Variants in PRKN observed in about 807,000 individuals in gnomAD.
PRKN encodes E3 ubiquitin-protein ligase parkin.
PRKN carries 56 observed loss-of-function variants against 59.5 expected under a neutral mutation model. The observed-to-expected ratio is 0.94, with a 90% CI of 0.76 to 1.18. PRKN has a LOEUF of 1.18. Among genes scored for constraint, PRKN ranks in the 50% most tolerant of loss-of-function variants. The probability of loss-of-function intolerance (pLI) is 0.00; values close to 1 mark genes in which losing one functional copy is unlikely to be tolerated. For synonymous variants in PRKN, 250 were observed against 222.1 expected (o/e 1.13, Z -1.12); for missense variants, 657 against 596.4 (o/e 1.10, Z -1.06).
intron 3 of PRKN, among the ~76,000 whole-genome samples, chr6:162,250,468 A>G (rs1039163043): frequency 1.3e-5 from 2 of 152,168 alleles, no homozygotes; most frequent in Admixed American, 1.3e-4. Context: ...TGATCCTTTG[A>G]TGAGTACACA....
chr6:161,564,909 G>A (rs1037662897), intron 8 of PRKN, among the ~76,000 whole-genome samples: 4 of 152,124 alleles, frequency 2.6e-5, no homozygotes, highest in Admixed American at 1.3e-4. Context: ...TGACCTCGTC[G>A]GTGCTGACCA....
chr6:161,403,217 A>G (rs1787124127), intron 9 of PRKN, among the ~76,000 whole-genome samples: 1 of 152,186 alleles, frequency 6.6e-6, no homozygotes. Flanking sequence ...TCTGTAGGGT[A>G]GAATACTGCC....
chr6:161,557,977 C>T (rs1780302522), intron 8 of PRKN, among the ~76,000 whole-genome samples: 1 of 152,160 alleles, frequency 6.6e-6, no homozygotes, highest in Non-Finnish European at 1.5e-5. Flanking sequence ...GGGACTCCCT[C>T]CCTGGGCTTC....
intron 1 of PRKN, among the ~76,000 whole-genome samples, chr6:162,466,902 C>T (rs1434986643): frequency 6.6e-6 from 1 of 151,884 alleles, no homozygotes; most frequent in Non-Finnish European, 1.5e-5. Context: ...ATATTATATA[C>T]ACTGGTTACC....
intron 1 of PRKN, among the ~76,000 whole-genome samples, chr6:162,721,952 T>C (rs1778955670): frequency 6.6e-6 from 1 of 152,092 alleles, no homozygotes; most frequent in Admixed American, 6.6e-5. Context: ...AAAAGAAACA[T>C]GAAAAATCAC....
intron 1 of PRKN, among the ~76,000 whole-genome samples, chr6:162,725,602 C>G (rs1183090193): frequency 4.6e-5 from 7 of 151,584 alleles, no homozygotes; most frequent in Admixed American, 6.6e-5. Flanking sequence ...TCTACAAAAA[C>G]TATAACAAAA....
At chr6:161,859,069 C>A (rs1236940364) in intron 6 of PRKN, among the ~76,000 whole-genome samples, 1 of 151,106 alleles carries the variant, frequency 6.6e-6, no homozygotes, top group African/African-American at 2.4e-5. Context: ...GGGGTTTCAC[C>A]ATGTTGGCCA....
intron 5 of PRKN, among the ~76,000 whole-genome samples, chr6:162,038,679 T>C (rs1783940408): frequency 1.3e-5 from 2 of 152,158 alleles, no homozygotes; most frequent in South Asian, 4.2e-4. Flanking sequence ...TCAGATAAAA[T>C]CATTTGTAAA....
chr6:161,608,484 T>C (rs1396939982), intron 7 of PRKN, among the ~76,000 whole-genome samples: 1 of 152,024 alleles, frequency 6.6e-6, no homozygotes, highest in African/African-American at 2.4e-5. Context: ...ATTTAGCAGA[T>C]AGTAGTTAAA....
rs141857653 is a variant in PRKN at position 162,724,391 on chromosome 6, C to T, written c.7+3271G>A. Among the ~76,000 whole-genome samples, 3 of 152,254 alleles carry T rather than the reference C, an allele frequency of 2.0e-5. No individual in the cohort carries two copies. The East Asian group carries it at 5.8e-4, about 29-fold the overall frequency. Reference sequence around the variant, plus strand: ...ATGTAAGTACTTTTGAAACAGTCCTCATGCCAATAAGGGAATCTTCGGTTT... The same window carrying T: ...ATGTAAGTACTTTTGAAACAGTCCTTATGCCAATAAGGGAATCTTCGGTTT... On this transcript the variant is annotated intron_variant, in intron 1 of 11. Coordinates refer to ENST00000366898, the MANE Select transcript of PRKN (RefSeq NM_004562.3).
intron 2 of PRKN, among the ~76,000 whole-genome samples, chr6:162,367,606 A>G (rs898912175): frequency 6.6e-6 from 1 of 152,140 alleles, no homozygotes; most frequent in Non-Finnish European, 1.5e-5. Context: ...CAATAAGAAA[A>G]GGAGTATAAA....
intron 5 of PRKN, among the ~76,000 whole-genome samples, chr6:162,015,308 G>T (rs1782893438): frequency 1.3e-5 from 2 of 152,088 alleles, no homozygotes; most frequent in Admixed American, 6.6e-5. Context: ...TATATGATTG[G>T]TTTCTTTTCC....
intron 1 of PRKN, among the ~76,000 whole-genome samples, chr6:162,703,141 T>G (rs1778218305): frequency 6.6e-6 from 1 of 152,326 alleles, no homozygotes; most frequent in South Asian, 2.1e-4. Context: ...AAAAAAAACT[T>G]ACTTTAGTAT....
intron 2 of PRKN, among the ~76,000 whole-genome samples, chr6:162,417,325 C>T (rs1301723255): frequency 6.6e-6 from 1 of 152,136 alleles, no homozygotes; most frequent in Admixed American, 6.5e-5. Flanking sequence ...TGATGCCACG[C>T]GTTGACTGTG....
In PRKN at chr6:161,499,665, G is replaced by A. The variant is rs1359478932; in HGVS notation, c.1083+49189C>T. 6.6e-6 allele frequency among the ~76,000 whole-genome samples: 1 copy of A among 152,142 alleles called. No homozygotes were observed. The highest frequency in any genetic ancestry group is 1.5e-5 in the Non-Finnish European group (1 of 68,030). On this transcript the variant is annotated intron_variant, in intron 9 of 11. Transcript: ENST00000366898. The surrounding 1 kb of genome is among the most constrained non-coding windows in gnomAD (Gnocchi z 4.2). ...TCAGACCTACTGGATTCGAGGTGGT[G>A]GTGGTTTCTGCATTTTCCATAAGTA...
chr6:162,682,432 A>T (rs1413010346), intron 1 of PRKN, among the ~76,000 whole-genome samples: 1 of 152,172 alleles, frequency 6.6e-6, no homozygotes, highest in Non-Finnish European at 1.5e-5. Flanking sequence ...ATAAAAAAGA[A>T]TGAAATCATG....
Position 161,461,249 on chromosome 6 carries a change from T to G in PRKN, c.1084-74372A>C. The stretch of plus-strand genomic sequence containing the variant: ...GGAGGTCTGAAAAGTACTCAGTGAG[T>G]TCCGGACCCGGAAATGGTTCAACAT... On this transcript the variant is annotated intron_variant, in intron 9 of 11. Transcript: ENST00000366898. The surrounding 1 kb of genome is among the most constrained non-coding windows in gnomAD (Gnocchi z 5.1). Among the ~76,000 whole-genome samples the G allele has an allele frequency of 6.6e-6, 1 of 151,790 alleles. No individual in the cohort carries two copies. Among genetic ancestry groups the G allele is most frequent in the Non-Finnish European group, 1.5e-5 (1 of 67,966 alleles).
chr6:162,572,235 C>A (rs897805627), intron 1 of PRKN, among the ~76,000 whole-genome samples: 11 of 152,130 alleles, frequency 7.2e-5, no homozygotes, highest in Non-Finnish European at 1.6e-4. Flanking sequence ...AATCCATATC[C>A]CAAATTATTG....
At position 161,713,863 on chromosome 6, in the gene PRKN, C is replaced by T. The variant is rs75278863; in HGVS notation, c.871+71909G>A. On this transcript the variant is annotated intron_variant, in intron 7 of 11. Coordinates refer to ENST00000366898, the MANE Select transcript of PRKN (RefSeq NM_004562.3). ...ATCATGGGGCCGGGTTTTTGCCATG[C>T]TGTTCTCGTGGGAGTGAATAAGTCT... Among the ~76,000 whole-genome samples the T allele has an allele frequency of 3.4e-4, 51 of 152,218 alleles. No individual in the cohort carries two copies. The East Asian group carries it at 9.3e-3, about 28-fold the overall frequency.
Sources: gnomAD v4.1 joint callset for allele counts (sites outside exome capture counted in the v4.1 genomes callset) on GRCh38, gnomAD v4.1.1 for gene constraint, Gnocchi (gnomAD v3.1) non-coding constraint, MANE v1.5 for transcripts, NCBI Gene and HGNC (gene_info 2026-07-23, HGNC 2026-07-21) for gene names.